NAA30: variants seen among roughly 807,000 people sequenced by gnomAD.
NAA30 encodes N-alpha-acetyltransferase 30.
In NAA30, 5 loss-of-function variants were observed where a neutral mutation model predicts 31.4. The observed-to-expected ratio is 0.16, with a 90% confidence interval of 0.08 to 0.33. The LOEUF is 0.33. Among genes scored for constraint, NAA30 ranks in the 10% least tolerant of loss-of-function variants. The pLI, the probability that NAA30 is intolerant of heterozygous loss-of-function variation, is 1.00. For synonymous variants in NAA30, 222 were observed against 207.1 expected, an observed-to-expected ratio of 1.07 and a Z score of -0.62; for missense variants, 428 against 490.8, an observed-to-expected ratio of 0.87 and a Z score of 1.21.
chr14:57,411,759 A>G lies in NAA30; in HGVS notation c.*2243A>G, dbSNP rs774507420. On this transcript the variant is annotated 3_prime_UTR_variant, in exon 5 of 5. Transcript: ENST00000556492. ...TGGGTATGCAAAAAAATTTTTACTT[A>G]AGTAGATTAAAATTTTAACCTCTAG... The G allele has an allele frequency of 8.5e-5, 13 of 152,152 alleles. No homozygotes were observed. Among genetic ancestry groups the G allele is most frequent in the Admixed American group, 2.0e-4 (3 of 15,270 alleles). 9.4% of individuals were successfully genotyped at this position (152,152 alleles called of 1,614,324 possible).
chr14:57,402,511 T>C (rs1235303290), intron 4 of NAA30, among the ~76,000 whole-genome samples: 4 of 152,212 alleles, frequency 2.6e-5, no homozygotes, highest in African/African-American at 9.6e-5. Context: ...CTTGTATTGT[T>C]ATTAACTTGT....
At chr14:57,402,116 T>A (rs959620777) in intron 4 of NAA30, among the ~76,000 whole-genome samples, 1 of 152,230 alleles carries the variant, frequency 6.6e-6, no homozygotes, top group Admixed American at 6.5e-5. Context: ...TAATTTGCCA[T>A]ACGAACTCTT....
At position 57,391,329 on chromosome 14, in the gene NAA30, G is replaced by C; in HGVS notation, c.372G>C (p.Ala124=). 1 of 1,611,776 alleles carries C rather than the reference G, an allele frequency of 6.2e-7. No individual in the cohort carries two copies. Among genetic ancestry groups the C allele is most frequent in the Non-Finnish European group, 8.5e-7 (1 of 1,179,530 alleles). Residue 124 remains alanine (A), a synonymous_variant, in exon 2 of 5, where the codon GCG becomes GCC. Transcript: ENST00000556492. The surrounding 1 kb of genome is among the most constrained non-coding windows in gnomAD (Gnocchi z 4.1). The part of the protein sequence containing the change: ...TTATPDGGPR[A]TATKGAGVHS... ...CCACCCCTGACGGAGGCCCCAGAGC[G>C]ACTGCAACAAAAGGAGCCGGGGTAC...
chr14:57,399,230 A>T (rs2066463581), intron 3 of NAA30, among the ~76,000 whole-genome samples: 1 of 152,156 alleles, frequency 6.6e-6, no homozygotes, highest in African/African-American at 2.4e-5. Context: ...TTTCCCTTTT[A>T]ATATACCAAT....
chr14:57,391,145 C>A lies in NAA30; in HGVS notation c.188C>A (p.Thr63Lys). ...SRSPAGGESA[T>K]VAAKGHPCLR... Reference sequence around the variant, plus strand: ...AGCCCGGCGGGCGGAGAGTCGGCGACGGTGGCGGCCAAGGGGCATCCGTGC... The same window carrying A: ...AGCCCGGCGGGCGGAGAGTCGGCGAAGGTGGCGGCCAAGGGGCATCCGTGC... The change falls in exon 2 of 5, where the codon ACG (threonine) becomes AAG (lysine). Residue 63 changes from threonine to lysine, a missense_variant. Transcript: ENST00000556492. The surrounding 1 kb of genome is among the most constrained non-coding windows in gnomAD (Gnocchi z 4.1). 6.3e-7 allele frequency: 1 copy of A among 1,588,644 alleles called. No individual in the cohort carries two copies.
intron 4 of NAA30, among the ~76,000 whole-genome samples, chr14:57,404,567 T>C (rs1696480887): frequency 2.0e-5 from 3 of 152,194 alleles, no homozygotes; most frequent in Non-Finnish European, 4.4e-5. Context: ...ACTACCTACC[T>C]TTCTAGCACG....
intron 4 of NAA30, among the ~76,000 whole-genome samples, chr14:57,405,752 A>G (rs1345135449): frequency 6.6e-6 from 1 of 152,238 alleles, no homozygotes; most frequent in Non-Finnish European, 1.5e-5. Flanking sequence ...AAGGGCTTCT[A>G]GGTGCCAGAC....
At chr14:57,402,994 G>A (rs866894799) in intron 4 of NAA30, among the ~76,000 whole-genome samples, 2 of 152,082 alleles carry the variant, frequency 1.3e-5, no homozygotes, top group Non-Finnish European at 1.5e-5. Context: ...CAGCCTGGCC[G>A]ACATGGTGAA....
intron 4 of NAA30, 48 bp from the exon 5 acceptor site, chr14:57,409,331 T>C (rs1448383213): frequency 6.9e-7 from 1 of 1,440,304 alleles, no homozygotes; most frequent in Admixed American, 2.5e-5. Context: ...GTAAATTATT[T>C]TTTAAATTGT....
chr14:57,391,512 G>T lies in NAA30; in HGVS notation c.555G>T (p.Arg185=), dbSNP rs2066428228. The part of the protein sequence containing the change: ...QEEEEEDEQV[R]LLSSSLTADC... ...AGGAGGAGGAAGACGAGCAGGTGCG[G>T]CTGCTGTCTTCGTCCCTGACCGCCG... The change falls in exon 2 of 5, where the codon CGG becomes CGT. Residue 185 remains arginine, a synonymous_variant. Transcript: ENST00000556492. This position sits in a 1 kb window ranked among gnomAD's most constrained non-coding sequence, Gnocchi z 4.1. 4.3e-6 allele frequency: 7 copies of T among 1,613,366 alleles called. No homozygotes were observed. Among genetic ancestry groups the T allele is most frequent in the Non-Finnish European group, 5.9e-6 (7 of 1,179,848 alleles).
chr14:57,414,925 A>T lies in NAA30; in HGVS notation c.*5409A>T, dbSNP rs758673644. ...CAAAGACCACTGAAGTGCCAAATTT[A>T]TCTTCTAATACTACTATTTAAACTA... On this transcript the variant is annotated 3_prime_UTR_variant, in exon 5 of 5. Transcript: ENST00000556492. 6.6e-6 allele frequency: 1 copy of T among 152,242 alleles called. No homozygotes were observed. 9.4% of individuals were successfully genotyped at this position (152,242 alleles called of 1,614,324 possible).
intron 2 of NAA30, among the ~76,000 whole-genome samples, chr14:57,393,559 C>T (rs749698560): frequency 2.0e-5 from 3 of 152,132 alleles, no homozygotes; most frequent in South Asian, 2.1e-4. Flanking sequence ...AATACAGATG[C>T]GTAAATGTCT....
At position 57,413,249 on chromosome 14, in the gene NAA30, G is replaced by A. The variant is rs1482636702; in HGVS notation, c.*3733G>A. ...TGTATGTCAAGATTTTCGGATTTTA[G>A]TGGAAGGATGAAATGATCTGTTTTA... On this transcript the variant is annotated 3_prime_UTR_variant, in exon 5 of 5. Transcript: ENST00000556492. The A allele has an allele frequency of 6.6e-6, 1 of 152,158 alleles. No homozygotes were observed. Among genetic ancestry groups the A allele is most frequent in the Admixed American group, 6.5e-5 (1 of 15,282 alleles). 9.4% of individuals were successfully genotyped at this position (152,158 alleles called of 1,614,324 possible).
In NAA30 at chr14:57,409,547, G is replaced by T; in HGVS notation, c.*31G>T. 1 of 1,578,734 alleles carries T rather than the reference G, an allele frequency of 6.3e-7. No homozygotes were observed. Among genetic ancestry groups the T allele is most frequent in the Admixed American group, 2.0e-5 (1 of 50,684 alleles). ...TGACATCAAGGAACAACTATCATCC[G>T]CACAGAATCGACCTTTGCATGCAAT... is the stretch of plus-strand genomic sequence containing the variant. On this transcript the variant is annotated 3_prime_UTR_variant, in exon 5 of 5. Coordinates refer to ENST00000556492, the MANE Select transcript of NAA30 (RefSeq NM_001011713.3).
In NAA30 at chr14:57,391,680, T is replaced by A; in HGVS notation, c.723T>A (p.Ile241=). ...AAGATCTGTCCGAACCCTACTCCATTTATACCTATAGATATTTTATCCACA... is the reference window on the plus strand; with the variant it reads ...AAGATCTGTCCGAACCCTACTCCATATATACCTATAGATATTTTATCCACA... ...ITKDLSEPYS[I]YTYRYFIHNW... Residue 241 remains isoleucine, a synonymous_variant, in exon 2 of 5, where the codon ATT becomes ATA. Coordinates refer to ENST00000556492, the MANE Select transcript of NAA30 (RefSeq NM_001011713.3). The surrounding 1 kb of genome is among the most constrained non-coding windows in gnomAD (Gnocchi z 4.1). 6.2e-7 allele frequency: 1 copy of A among 1,613,800 alleles called. No homozygotes were observed. The highest frequency in any genetic ancestry group is 8.5e-7 in the Non-Finnish European group (1 of 1,179,860).
In NAA30 at chr14:57,409,576, A is replaced by G. The variant is rs2066514736; in HGVS notation, c.*60A>G. ...AGAATCGACCTTTGCATGCAATGCA[A>G]TTTGTACAGAATTGCTTTGCAGGTG... On this transcript the variant is annotated 3_prime_UTR_variant, in exon 5 of 5. Transcript: ENST00000556492. The G allele has an allele frequency of 6.6e-7, 1 of 1,509,030 alleles. No homozygotes were observed. The highest frequency in any genetic ancestry group is 8.9e-7 in the Non-Finnish European group (1 of 1,127,582). The allele number at this position is 1,509,030 out of a possible 1,614,324, so 93.5% of individuals were successfully genotyped here. A position where few individuals can be genotyped will look rare whatever the true frequency, so the allele number is the denominator to read the frequency against.
Position 57,412,030 on chromosome 14 carries a change from G to A in NAA30, c.*2514G>A, listed in dbSNP as rs2139768838. On this transcript the variant is annotated 3_prime_UTR_variant, in exon 5 of 5. Coordinates refer to ENST00000556492, the MANE Select transcript of NAA30 (RefSeq NM_001011713.3). ...TGACACTGGTTTGGCAGTTGGTACT[G>A]CTGAACATTTTTATACATGCTACCA... The A allele has an allele frequency of 6.6e-6, 1 of 152,216 alleles. No homozygotes were observed. Among genetic ancestry groups the A allele is most frequent in the African/African-American group, 2.4e-5 (1 of 41,550 alleles). The allele number at this position is 152,216 out of a possible 1,614,324, so 9.4% of individuals were successfully genotyped here. A position where few individuals can be genotyped will look rare whatever the true frequency, so the allele number is the denominator to read the frequency against.
In NAA30 at chr14:57,410,281, C is replaced by G. The variant is rs1040775004; in HGVS notation, c.*765C>G. On this transcript the variant is annotated 3_prime_UTR_variant, in exon 5 of 5. Coordinates refer to ENST00000556492, the MANE Select transcript of NAA30 (RefSeq NM_001011713.3). ...AAAGAATGGTTTACTTTAGAAGTCC[C>G]TTTTTCCTTACAGTAACAAGTTGAA... is the stretch of plus-strand genomic sequence containing the variant. 3 of 152,464 alleles carry G rather than the reference C, an allele frequency of 2.0e-5. No homozygotes were observed. The highest frequency in any genetic ancestry group is 4.8e-5 in the African/African-American group (2 of 41,398). The allele number at this position is 152,464 out of a possible 1,614,324, so 9.4% of individuals were successfully genotyped here.
intron 3 of NAA30, among the ~76,000 whole-genome samples, chr14:57,399,570 T>G (rs935940579): frequency 6.6e-6 from 1 of 152,224 alleles, no homozygotes; most frequent in Non-Finnish European, 1.5e-5. Context: ...CTCCTGCTTG[T>G]GGCAAATAAT....
Sources: gnomAD v4.1 joint callset for allele counts (sites outside exome capture counted in the v4.1 genomes callset) on GRCh38, gnomAD v4.1.1 for gene constraint, Gnocchi (gnomAD v3.1) non-coding constraint, MANE v1.5 for transcripts, NCBI Gene and HGNC (gene_info 2026-07-23, HGNC 2026-07-21) for gene names.